AP3B1: variants seen among roughly 807,000 people sequenced by gnomAD.
The protein encoded by AP3B1 is AP-3 complex subunit beta-1.
A neutral mutation model predicts 132.5 loss-of-function variants in AP3B1; 61 were observed. That is an observed-to-expected ratio of 0.46 (90% CI 0.37 to 0.57). AP3B1 has a LOEUF of 0.57. Among genes scored for constraint, AP3B1 ranks in the 20% least tolerant of loss-of-function variants. The probability of loss-of-function intolerance (pLI) is 0.00; values close to 1 mark genes in which losing one functional copy is unlikely to be tolerated. For synonymous variants in AP3B1, 388 were observed against 438.3 expected, an observed-to-expected ratio of 0.89 and a Z score of 1.43; for missense variants, 1,120 against 1,289.4, an observed-to-expected ratio of 0.87 and a Z score of 2.01.
At chr5:78,117,538 G>C (rs933284809) in intron 17 of AP3B1, among the ~76,000 whole-genome samples, 2 of 152,018 alleles carry the variant, frequency 1.3e-5, no homozygotes, top group African/African-American at 4.8e-5. Context: ...TCTAACTCCT[G>C]ACCTCAGGTG....
At chr5:78,128,810 T>A (rs531901703) in intron 16 of AP3B1, among the ~76,000 whole-genome samples, 1 of 152,122 alleles carries the variant, frequency 6.6e-6, no homozygotes, top group Non-Finnish European at 1.5e-5. Context: ...CTTATAAAAC[T>A]ATTTAAAAGA....
At chr5:78,146,674 G>A (rs75383319) in intron 14 of AP3B1, among the ~76,000 whole-genome samples, 6,246 of 151,754 alleles carry the variant, frequency 0.041, 195 homozygotes, top group East Asian at 0.14. Context: ...GTTTTGATTC[G>A]TTTTTCTTTT....
intron 22 of AP3B1, chr5:78,044,139 C>T (rs1015831367): frequency 3.3e-5 from 9 of 274,184 alleles, no homozygotes; most frequent in African/African-American, 1.6e-4. Context: ...TCAGGCATCT[C>T]GAAAGAAAAA....
At chr5:78,282,806 G>A (rs1749113784) in intron 1 of AP3B1, among the ~76,000 whole-genome samples, 1 of 149,962 alleles carries the variant, frequency 6.7e-6, no homozygotes, top group East Asian at 2.0e-4. Context: ...GAGCCCAGGA[G>A]TTCAAGACCA....
At chr5:78,258,957 G>C (rs567991941) in intron 2 of AP3B1, among the ~76,000 whole-genome samples, 19 of 152,156 alleles carry the variant, frequency 1.2e-4, no homozygotes, top group African/African-American at 4.6e-4. Flanking sequence ...CAAACATCTG[G>C]CCGGGCACGG....
chr5:78,147,241 T>C (rs950478518), intron 14 of AP3B1, among the ~76,000 whole-genome samples: 8 of 152,076 alleles, frequency 5.3e-5, no homozygotes, highest in East Asian at 3.8e-4. Context: ...TACCCTTTTT[T>C]CATTTTATAA....
intron 7 of AP3B1, among the ~76,000 whole-genome samples, chr5:78,202,996 A>C (rs1745359022): frequency 6.6e-6 from 1 of 152,192 alleles, no homozygotes; most frequent in Non-Finnish European, 1.5e-5. Flanking sequence ...GTTTTGCCAA[A>C]GAAGAACTTA....
chr5:78,021,466 G>C (rs1388430522), intron 24 of AP3B1, among the ~76,000 whole-genome samples: 4 of 152,086 alleles, frequency 2.6e-5, no homozygotes, highest in Non-Finnish European at 5.9e-5. Context: ...ATTTACCTAA[G>C]TCTCATGATA....
intron 3 of AP3B1, among the ~76,000 whole-genome samples, chr5:78,234,819 T>C (rs2112507725): frequency 6.6e-6 from 1 of 152,240 alleles, no homozygotes; most frequent in South Asian, 2.1e-4. Context: ...CCCATTAGAG[T>C]GCTACATCTA....
intron 2 of AP3B1, among the ~76,000 whole-genome samples, chr5:78,263,637 T>C (rs938759251): frequency 1.3e-5 from 2 of 152,218 alleles, no homozygotes; most frequent in African/African-American, 4.8e-5. Context: ...TTTCCACACC[T>C]GCTCTTTAAC....
chr5:78,087,219 G>T (rs1000105623), intron 22 of AP3B1, among the ~76,000 whole-genome samples: 27 of 152,220 alleles, frequency 1.8e-4, no homozygotes, highest in African/African-American at 6.0e-4. Flanking sequence ...ATCCAAAAAA[G>T]CTCCTAGACT....
At chr5:78,229,094 G>A (rs1032973301) in intron 3 of AP3B1, among the ~76,000 whole-genome samples, 4 of 151,570 alleles carry the variant, frequency 2.6e-5, no homozygotes, top group South Asian at 2.1e-4. Flanking sequence ...CACCACACCC[G>A]GCTTTTTTTT....
intron 22 of AP3B1, among the ~76,000 whole-genome samples, chr5:78,046,131 T>A (rs1204191527): frequency 1.3e-5 from 2 of 152,214 alleles, no homozygotes; most frequent in African/African-American, 4.8e-5. Flanking sequence ...TGGAAACAAT[T>A]CTCTACAGCA....
At chr5:78,028,080 C>T (rs1747409466) in intron 24 of AP3B1, among the ~76,000 whole-genome samples, 1 of 151,918 alleles carries the variant, frequency 6.6e-6, no homozygotes, top group South Asian at 2.1e-4. Flanking sequence ...GAGCCAAGAT[C>T]GCACCACTGC....
intron 22 of AP3B1, among the ~76,000 whole-genome samples, chr5:78,053,756 T>G (rs1748691105): frequency 6.6e-6 from 1 of 152,086 alleles, no homozygotes. Flanking sequence ...CTTCCGATCT[T>G]TTGCTCCCTT....
At chr5:78,189,588 G>A (rs1051024848) in intron 7 of AP3B1, among the ~76,000 whole-genome samples, 3 of 151,884 alleles carry the variant, frequency 2.0e-5, no homozygotes, top group Admixed American at 6.6e-5. Flanking sequence ...AAAATTATGC[G>A]GCCAGGCATG....
chr5:78,291,420 G>GAAAAAAAAAAA (rs5868911), intron 1 of AP3B1, among the ~76,000 whole-genome samples: 11 of 85,712 alleles, frequency 1.3e-4, no homozygotes, highest in East Asian at 4.3e-4. Flanking sequence ...CAGATAATTT[G>GAAAAAAAAAAA]AAAAAAAAAA....
chr5:78,057,639 T>C (rs1348806990), intron 22 of AP3B1, among the ~76,000 whole-genome samples: 6 of 152,172 alleles, frequency 3.9e-5, no homozygotes, highest in African/African-American at 1.2e-4. Flanking sequence ...CCCTTACTTT[T>C]TGCCAATCTT....
At chr5:78,155,033 G>C (rs1331735728) in intron 14 of AP3B1, among the ~76,000 whole-genome samples, 1 of 152,128 alleles carries the variant, frequency 6.6e-6, no homozygotes, top group Non-Finnish European at 1.5e-5. Flanking sequence ...CAGTCTCTGG[G>C]CATTGAAGTT....
Sources: gnomAD v4.1 joint callset for allele counts (sites outside exome capture counted in the v4.1 genomes callset) on GRCh38, gnomAD v4.1.1 for gene constraint, MANE v1.5 for transcripts, NCBI Gene and HGNC (gene_info 2026-07-23, HGNC 2026-07-21) for gene names.